Variants in TRAF3IP2 observed in about 807,000 individuals in gnomAD.
TRAF3IP2 encodes the protein E3 ubiquitin ligase TRAF3IP2.
Under a neutral mutation model 57.9 loss-of-function variants are expected in TRAF3IP2, and 35 were observed. That is an observed-to-expected ratio of 0.60 (90% confidence interval 0.46 to 0.80). TRAF3IP2 has a LOEUF of 0.80. Ranked by LOEUF, TRAF3IP2 falls within the 30% of genes least tolerant of loss-of-function variation. The pLI, the probability that TRAF3IP2 is intolerant of heterozygous loss-of-function variation, is 0.00. For missense variants in TRAF3IP2, 556 were observed against 706.4 expected (o/e 0.79, Z 2.41); for synonymous variants, 251 against 268.9 (o/e 0.93, Z 0.65).
intron 1 of TRAF3IP2, among the ~76,000 whole-genome samples, chr6:111,605,432 G>A (rs1444369397): frequency 6.6e-6 from 1 of 152,236 alleles, no homozygotes; most frequent in Admixed American, 6.5e-5. Context: ...GAGAAGTGGG[G>A]CTTGAATTCT....
chr6:111,592,195 T>C, intron 1 of TRAF3IP2, 101 bp from the exon 2 acceptor site: 1 of 1,027,374 alleles, frequency 9.7e-7, no homozygotes, highest in Non-Finnish European at 1.4e-6. Flanking sequence ...GTGGTTTAAA[T>C]TAACAGTGAG....
rs188854917 is a variant in TRAF3IP2, at chr6:111,604,812, G to A, written c.-9+964C>T. On this transcript the variant is annotated intron_variant, in intron 1 of 8. Transcript: ENST00000368761. The stretch of plus-strand genomic sequence containing the variant: ...AGGGGGTAACCAACTGGTAGTGGGA[G>A]GTAAAATTAAAATATGTGAATAATC... Among the ~76,000 whole-genome samples, 82 of 152,230 alleles carry A rather than the reference G, an allele frequency of 5.4e-4. 1 individual carries two copies. Among genetic ancestry groups the A allele is most frequent in the African/African-American group, 1.9e-3 (77 of 41,542 alleles).
At chr6:111,586,020 G>GA (rs1796322454) in intron 2 of TRAF3IP2, among the ~76,000 whole-genome samples, 1 of 151,864 alleles carries the variant, frequency 6.6e-6, no homozygotes, top group African/African-American at 2.4e-5. Context: ...AAGAGTTTAT[G>GA]AGAGAGAAAT....
At position 111,562,778 on chromosome 6, in the gene TRAF3IP2, GA is replaced by G. The variant is rs574221546; in HGVS notation, c.1551+186del. ...GAGAATCACTTGAACCCAGGAGGCA[GA>G]GGTTGCAGTGAGCCAAGGTCACGCC... On this transcript the variant is annotated intron_variant, in intron 8 of 8. Transcript: ENST00000368761. Among the ~76,000 whole-genome samples, 244 of 151,712 alleles carry G rather than the reference GA, an allele frequency of 1.6e-3. 1 individual carries two copies. The highest frequency in any genetic ancestry group is 2.5e-3 in the Non-Finnish European group (168 of 67,982).
intron 2 of TRAF3IP2, among the ~76,000 whole-genome samples, chr6:111,584,701 A>G: frequency 1.5e-5 from 1 of 68,884 alleles, no homozygotes; most frequent in South Asian, 4.6e-4. Context: ...TATCAAGTAA[A>G]TGACCATCAT....
At chr6:111,571,437 C>G (rs1313715918) in intron 5 of TRAF3IP2, among the ~76,000 whole-genome samples, 2 of 152,000 alleles carry the variant, frequency 1.3e-5, no homozygotes, top group Non-Finnish European at 2.9e-5. Flanking sequence ...GTCCCGAACT[C>G]CTGAGCTCAG....
chr6:111,597,495 C>T lies in TRAF3IP2; in HGVS notation c.-8-5401G>A, dbSNP rs535785248. Among the ~76,000 whole-genome samples, 10 of 152,274 alleles carry T rather than the reference C, an allele frequency of 6.6e-5. No individual in the cohort carries two copies. The South Asian group carries it at 2.1e-3, about 32-fold the overall frequency. The stretch of plus-strand genomic sequence containing the variant: ...ACCCTGCCAACTCTCCTGAGGCAGT[C>T]ATAGAGAACAATTACAAATGCCACA... On this transcript the variant is annotated intron_variant, in intron 1 of 8. Transcript: ENST00000368761.
At chr6:111,570,321 G>C (rs1343279542) in intron 5 of TRAF3IP2, among the ~76,000 whole-genome samples, 1 of 152,192 alleles carries the variant, frequency 6.6e-6, no homozygotes, top group Non-Finnish European at 1.5e-5. Context: ...TCATCTTCCA[G>C]TAAGAATTCC....
intron 1 of TRAF3IP2, among the ~76,000 whole-genome samples, chr6:111,603,704 A>C (rs1024963390): frequency 2.0e-5 from 3 of 152,196 alleles, no homozygotes; most frequent in Admixed American, 2.0e-4. Context: ...CTAACTCCTT[A>C]ATCCCAGGAG....
chr6:111,571,974 A>G (rs1437065925), intron 5 of TRAF3IP2, among the ~76,000 whole-genome samples: 1 of 152,164 alleles, frequency 6.6e-6, no homozygotes, highest in East Asian at 1.9e-4. Context: ...AACTCCTGTT[A>G]AACAATACTA....
intron 3 of TRAF3IP2, chr6:111,576,867 T>G (rs1796006963): frequency 6.6e-6 from 1 of 152,130 alleles, no homozygotes; most frequent in South Asian, 2.1e-4. Flanking sequence ...ATATTATAAA[T>G]TTTAAAAAAA....
chr6:111,558,751 A>G lies in TRAF3IP2; in HGVS notation c.*654T>C, dbSNP rs998305343. 1.3e-5 allele frequency: 2 copies of G among 152,112 alleles called. No homozygotes were observed. The highest frequency in any genetic ancestry group is 4.8e-5 in the African/African-American group (2 of 41,398). The allele number at this position is 152,112 out of a possible 1,614,324, so 9.4% of individuals were successfully genotyped here. On this transcript the variant is annotated 3_prime_UTR_variant, in exon 9 of 9. Coordinates refer to ENST00000368761, the MANE Select transcript of TRAF3IP2 (RefSeq NM_147686.4). ...CGCCCAGCCTAAAAATCTTTATTGC[A>G]AGAATAAAGCTTCCATGATTATGGT...
chr6:111,593,329 C>A (rs1796577524), intron 1 of TRAF3IP2, among the ~76,000 whole-genome samples: 1 of 152,234 alleles, frequency 6.6e-6, no homozygotes, highest in African/African-American at 2.4e-5. Flanking sequence ...ACTGAGGGCT[C>A]ACTGTGCCTA....
At position 111,595,753 on chromosome 6, in the gene TRAF3IP2, G is replaced by A. The variant is rs546980687; in HGVS notation, c.-8-3659C>T. On this transcript the variant is annotated intron_variant, in intron 1 of 8. Coordinates refer to ENST00000368761, the MANE Select transcript of TRAF3IP2 (RefSeq NM_147686.4). ...TGAGGCAGGAGAATTGCTTGAACCCGGGAGGCGGAGGTTGCGGTGAGCCGA... is the reference window on the plus strand; with the variant it reads ...TGAGGCAGGAGAATTGCTTGAACCCAGGAGGCGGAGGTTGCGGTGAGCCGA... Among the ~76,000 whole-genome samples the A allele has an allele frequency of 3.8e-4, 58 of 152,002 alleles. No individual in the cohort carries two copies. The Middle Eastern group carries it at 0.014, about 36-fold the overall frequency.
At chr6:111,575,547 C>T (rs1795952720) in intron 4 of TRAF3IP2, 96 bp downstream of exon 4, 2 of 1,375,764 alleles carry the variant, frequency 1.5e-6, no homozygotes, top group Admixed American at 2.1e-5. Flanking sequence ...GAGATCGCAC[C>T]ACTGCACTCC....
At chr6:111,605,217 G>T (rs918346327) in intron 1 of TRAF3IP2, among the ~76,000 whole-genome samples, 1 of 152,246 alleles carries the variant, frequency 6.6e-6, no homozygotes, top group African/African-American at 2.4e-5. Flanking sequence ...CCAGCGCCAG[G>T]CTGGGAGGGC....
intron 5 of TRAF3IP2, 84 bp from the exon 6 acceptor site, chr6:111,567,776 C>T (rs1795700853): frequency 9.6e-7 from 1 of 1,047,028 alleles, no homozygotes; most frequent in South Asian, 2.2e-5. Context: ...ATACTATATA[C>T]ATTTAAAGCT....
chr6:111,585,844 C>T (rs1476915407), intron 2 of TRAF3IP2, among the ~76,000 whole-genome samples: 4 of 152,172 alleles, frequency 2.6e-5, no homozygotes, highest in African/African-American at 9.7e-5. Flanking sequence ...AATGGGCGCC[C>T]AGGACTGTAT....
rs1795342725 is a variant in TRAF3IP2, at chr6:111,559,217, C to T, written c.*188G>A. The T allele has an allele frequency of 1.4e-6, 1 of 692,674 alleles. No individual in the cohort carries two copies. Among genetic ancestry groups the T allele is most frequent in the East Asian group, 2.7e-5 (1 of 36,770 alleles). 42.9% of individuals were successfully genotyped at this position (692,674 alleles called of 1,614,324 possible). On this transcript the variant is annotated 3_prime_UTR_variant, in exon 9 of 9. Transcript: ENST00000368761. Reference sequence around the variant, plus strand: ...TGCAGAGCAGTCACAGACTCCACTTCAAAGCCAGGGTGTGTGGAGGTCTCC... The same window carrying T: ...TGCAGAGCAGTCACAGACTCCACTTTAAAGCCAGGGTGTGTGGAGGTCTCC...
Sources: allele counts gnomAD v4.1 joint callset (sites outside exome capture counted in the v4.1 genomes callset), GRCh38; gene constraint gnomAD v4.1.1; transcripts MANE v1.5; gene names NCBI Gene and HGNC (gene_info 2026-07-23, HGNC 2026-07-21).